The following LOC128092252 variants were observed in gnomAD, a reference collection of about 807,000 sequenced individuals.
chr15:50,684,818 A>G, the LOC128092252 span, among the ~76,000 whole-genome samples: 1 of 152,184 alleles, frequency 6.6e-6, no homozygotes, highest in South Asian at 2.1e-4. Flanking sequence ...GGTACTAGAG[A>G]CTGAAAGAGT....
At chr15:50,667,767 A>G in the LOC128092252 span, among the ~76,000 whole-genome samples, 2 of 152,202 alleles carry the variant, frequency 1.3e-5, no homozygotes, top group African/African-American at 4.8e-5. Flanking sequence ...ATTTGTCTAT[A>G]AGGTTTTATT....
the LOC128092252 span, among the ~76,000 whole-genome samples, chr15:50,676,748 A>C: frequency 6.6e-6 from 1 of 152,138 alleles, no homozygotes; most frequent in Non-Finnish European, 1.5e-5. Flanking sequence ...AAATATCAAT[A>C]GAAATCCCAC....
chr15:50,659,169 G>C, the LOC128092252 span, among the ~76,000 whole-genome samples: 1 of 149,110 alleles, frequency 6.7e-6, no homozygotes, highest in Non-Finnish European at 1.5e-5. Context: ...CACCAGCCTG[G>C]ATGACAGAGC....
chr15:50,669,391 T>C, the LOC128092252 span, among the ~76,000 whole-genome samples: 2 of 151,882 alleles, frequency 1.3e-5, no homozygotes, highest in Middle Eastern at 6.3e-3. Context: ...GCCGAGGTCA[T>C]GCCAGTGCAC....
At chr15:50,679,733 C>T in the LOC128092252 span, among the ~76,000 whole-genome samples, 1 of 150,882 alleles carries the variant, frequency 6.6e-6, no homozygotes, top group East Asian at 2.0e-4. Context: ...GTGGGGTTAT[C>T]TACGTTGGCC....
chr15:50,670,522 A>G, the LOC128092252 span, among the ~76,000 whole-genome samples: 8 of 152,184 alleles, frequency 5.3e-5, no homozygotes, highest in Middle Eastern at 3.2e-3. Context: ...CACCATACTA[A>G]AAGACACTCT....
the LOC128092252 span, among the ~76,000 whole-genome samples, chr15:50,663,503 G>A: frequency 3.9e-5 from 6 of 151,984 alleles, no homozygotes; most frequent in Non-Finnish European, 7.4e-5. Flanking sequence ...ACCCCAAAAC[G>A]TCAGAATAAT....
chr15:50,675,968 T>C, the LOC128092252 span, among the ~76,000 whole-genome samples: 1 of 152,196 alleles, frequency 6.6e-6, no homozygotes, highest in African/African-American at 2.4e-5. Context: ...TTTTGCTTCC[T>C]TACCTGTAAA....
chr15:50,658,924 C>T, the LOC128092252 span, among the ~76,000 whole-genome samples: 9 of 152,124 alleles, frequency 5.9e-5, no homozygotes, highest in African/African-American at 1.2e-4. Flanking sequence ...AGTGGCCAGG[C>T]GCAGTGGCTC....
At chr15:50,661,055 C>G in the LOC128092252 span, among the ~76,000 whole-genome samples, 6 of 150,574 alleles carry the variant, frequency 4.0e-5, no homozygotes, top group East Asian at 1.2e-3. Context: ...CAGCTCACTA[C>G]AACCTCTGCC....
the LOC128092252 span, among the ~76,000 whole-genome samples, chr15:50,686,366 G>A: frequency 6.6e-6 from 1 of 152,182 alleles, no homozygotes; most frequent in Non-Finnish European, 1.5e-5. Flanking sequence ...ACCCCAGAAC[G>A]AACTGCACAC....
chr15:50,652,712 G>T, the LOC128092252 span, among the ~76,000 whole-genome samples: 2 of 151,724 alleles, frequency 1.3e-5, no homozygotes, highest in Admixed American at 1.3e-4. Flanking sequence ...TTCTGCTTTG[G>T]AAAAAAACAA....
chr15:50,678,022 G>A, the LOC128092252 span, among the ~76,000 whole-genome samples: 2 of 151,440 alleles, frequency 1.3e-5, no homozygotes, highest in Non-Finnish European at 2.9e-5. Context: ...GGCGGATCAC[G>A]AGGTCAGGAG....
the LOC128092252 span, among the ~76,000 whole-genome samples, chr15:50,655,639 T>C: frequency 7.9e-5 from 12 of 152,022 alleles, no homozygotes; most frequent in Non-Finnish European, 2.9e-5. Flanking sequence ...GGAAGACAAC[T>C]ACTGTATTAC....
chr15:50,666,500 A>C, the LOC128092252 span, among the ~76,000 whole-genome samples: 1 of 151,962 alleles, frequency 6.6e-6, no homozygotes, highest in Non-Finnish European at 1.5e-5. Flanking sequence ...GAAAACGAAG[A>C]GGAAGAGGAA....
the LOC128092252 span, among the ~76,000 whole-genome samples, chr15:50,658,551 G>C: frequency 4.1e-5 from 6 of 146,828 alleles, no homozygotes; most frequent in Non-Finnish European, 7.4e-5. Context: ...CAGCCTGGGC[G>C]AAAGAGCGAG....
chr15:50,654,725 G>A, the LOC128092252 span, among the ~76,000 whole-genome samples: 1 of 150,758 alleles, frequency 6.6e-6, no homozygotes, highest in African/African-American at 2.4e-5. Context: ...TGGGCTGGGC[G>A]CAGTGGCTCA....
At chr15:50,662,093 G>A in the LOC128092252 span, among the ~76,000 whole-genome samples, 2 of 152,042 alleles carry the variant, frequency 1.3e-5, no homozygotes, top group African/African-American at 4.8e-5. Context: ...GGTGGCTCAC[G>A]CCTGTAATCC....
chr15:50,661,329 C>T, the LOC128092252 span, among the ~76,000 whole-genome samples: 1 of 152,090 alleles, frequency 6.6e-6, no homozygotes, highest in South Asian at 2.1e-4. Context: ...GTACATTTTG[C>T]ATATAGACTG....
Sources: allele counts gnomAD v4.1 joint callset (sites outside exome capture counted in the v4.1 genomes callset), GRCh38; gene constraint gnomAD v4.1.1; transcripts MANE v1.5.